Variants in NYNRIN observed in about 807,000 individuals in gnomAD.
NYNRIN encodes the protein NYN domain and retroviral integrase containing.
In NYNRIN, 86 loss-of-function variants were observed where a neutral mutation model predicts 146.6. The ratio of observed to expected loss-of-function variants is 0.59; its 90% CI spans 0.49 to 0.70. The LOEUF is 0.70. Ranked by LOEUF, NYNRIN falls within the 30% of genes least tolerant of loss-of-function variation. NYNRIN has a pLI of 0.00. For synonymous variants in NYNRIN, 1,027 were observed against 1,001.3 expected (o/e 1.03, Z -0.48); for missense variants, 2,191 against 2,377.7 (o/e 0.92, Z 1.63).
Position 24,411,218 on chromosome 14 carries a change from C to T in NYNRIN, c.2545+12C>T. 3.7e-6 allele frequency: 6 copies of T among 1,607,284 alleles called. No homozygotes were observed. Among genetic ancestry groups the T allele is most frequent in the Non-Finnish European group, 5.1e-6 (6 of 1,176,452 alleles). On this transcript the variant is annotated intron_variant, in intron 5 of 8. Transcript: ENST00000382554. This position sits in a 1 kb window ranked among gnomAD's most constrained non-coding sequence, Gnocchi z 4.3. Reference sequence around the variant, plus strand: ...CCGGAGGGTGAGAGGTGAGGTGTCCCCTGCCTGCCCAGCCTCCACAGTGTC... The same window carrying T: ...CCGGAGGGTGAGAGGTGAGGTGTCCTCTGCCTGCCCAGCCTCCACAGTGTC...
rs2139358239 is a variant in NYNRIN at position 24,419,168 on chromosome 14, C to A, written c.*1722C>A. On this transcript the variant is annotated 3_prime_UTR_variant, in exon 9 of 9. Transcript: ENST00000382554. Reference sequence around the variant, plus strand: ...CTCTCTGTAATGGTATGTCCAGCCTCACTCTCCCTCCCTGGTGCTGTATGC... The same window carrying A: ...CTCTCTGTAATGGTATGTCCAGCCTAACTCTCCCTCCCTGGTGCTGTATGC... 6.6e-6 allele frequency: 1 copy of A among 152,446 alleles called. No individual in the cohort carries two copies. The highest frequency in any genetic ancestry group is 3.3e-3 in the Middle Eastern group (1 of 300). 9.4% of individuals were successfully genotyped at this position (152,446 alleles called of 1,614,324 possible).
rs372621872 is a variant in NYNRIN at position 24,409,468 on chromosome 14, C to G, written c.1674C>G (p.Pro558=). 1.9e-5 allele frequency: 30 copies of G among 1,613,850 alleles called. No homozygotes were observed. In the African/African-American group the frequency reaches 3.3e-4, roughly 18 times the overall value. ...MAAAVPKAEN[P]SRTQVPSAAP... is the part of the protein sequence containing the mutation. ...CAGCAGTGCCCAAAGCTGAAAATCC[C>G]TCCAGAACTCAAGTGCCATCTGCAG... Residue 558 remains proline (P), a synonymous_variant, in exon 4 of 9, where the codon CCC becomes CCG. Transcript: ENST00000382554.
At chr14:24,403,911 G>A (rs187652059) in intron 2 of NYNRIN, among the ~76,000 whole-genome samples, 41 of 152,330 alleles carry the variant, frequency 2.7e-4, no homozygotes, top group Admixed American at 1.1e-3. Context: ...AGAAATGTGA[G>A]GGTTGTGCTC....
At chr14:24,406,245 A>ATAAAATAAAT (rs2042875176) in intron 2 of NYNRIN, among the ~76,000 whole-genome samples, 1 of 148,710 alleles carries the variant, frequency 6.7e-6, no homozygotes, top group South Asian at 2.2e-4. Flanking sequence ...ATAAAATAAA[A>ATAAAATAAAT]TAAAATATTG....
At chr14:24,400,860 T>G (rs2042838061) in intron 2 of NYNRIN, among the ~76,000 whole-genome samples, 1 of 151,566 alleles carries the variant, frequency 6.6e-6, no homozygotes, top group Non-Finnish European at 1.5e-5. Context: ...CTTGGCTCAC[T>G]GCAGCCTCCA....
At position 24,409,517 on chromosome 14, in the gene NYNRIN, A is replaced by G. The variant is rs752294572; in HGVS notation, c.1723A>G (p.Met575Val). 5 of 1,613,406 alleles carry G rather than the reference A, an allele frequency of 3.1e-6. No individual in the cohort carries two copies. The highest frequency in any genetic ancestry group is 3.3e-5 in the Admixed American group (2 of 59,924). Residue 575 changes from methionine to valine, a missense_variant, in exon 4 of 9, where the codon ATG becomes GTG. By Grantham distance (21) the Met-to-Val change is conservative (BLOSUM62 1). This residue lies in a region of NYNRIN where 895 missense variants were observed against 941.2 expected (regional missense o/e 0.95). Coordinates refer to ENST00000382554, the MANE Select transcript of NYNRIN (RefSeq NM_025081.3). ...AGCTCCCAAACTGCCTACATCTCGA[A>G]TGATGCTGGCAGTGCACACAGAGCC... ...SAAPKLPTSR[M>V]MLAVHTEPAA...
intron 2 of NYNRIN, among the ~76,000 whole-genome samples, chr14:24,405,842 A>G (rs1313634699): frequency 1.3e-5 from 2 of 152,234 alleles, no homozygotes; most frequent in African/African-American, 2.4e-5. Context: ...TTTAAAAATT[A>G]TCACAGTTCC....
At position 24,416,777 on chromosome 14, in the gene NYNRIN, G is replaced by T; in HGVS notation, c.5028G>T (p.Arg1676Ser). 1 of 1,613,556 alleles carries T rather than the reference G, an allele frequency of 6.2e-7. No individual in the cohort carries two copies. The highest frequency in any genetic ancestry group is 1.1e-5 in the South Asian group (1 of 91,080). ...HVFARWGVPV[R>S]LEAAQGPQFA... Reference sequence around the variant, plus strand: ...TTGCAAGGTGGGGTGTTCCTGTGAGGCTGGAGGCAGCCCAGGGGCCCCAGT... The same window carrying T: ...TTGCAAGGTGGGGTGTTCCTGTGAGTCTGGAGGCAGCCCAGGGGCCCCAGT... Residue 1676 changes from arginine to serine, a missense_variant, in exon 9 of 9, where the codon AGG becomes AGT. By Grantham distance (110) the Arg-to-Ser change is moderately radical. Transcript: ENST00000382554.
In NYNRIN at chr14:24,414,891, C is replaced by A. The variant is rs752141342; in HGVS notation, c.3142C>A (p.Pro1048Thr). 3.7e-6 allele frequency: 6 copies of A among 1,608,608 alleles called. No individual in the cohort carries two copies. Among genetic ancestry groups the A allele is most frequent in the Non-Finnish European group, 5.1e-6 (6 of 1,175,886 alleles). Reference protein sequence around the residue: ...ILRCLSLHDPPDGALDIDLLP... With the variant: ...ILRCLSLHDPTDGALDIDLLP... ...GCGGTGCCTCAGCCTCCATGATCCC[C>A]CTGATGGGGCCCTGGACATCGACCT... The change falls in exon 9 of 9, where the codon CCT becomes ACT. Residue 1048 changes from proline (P) to threonine (T), a missense_variant. This residue lies in a region of NYNRIN where 1,291 missense variants were observed against 1,417.0 expected (regional missense o/e 0.91). Coordinates refer to ENST00000382554, the MANE Select transcript of NYNRIN (RefSeq NM_025081.3).
At chr14:24,399,682 A>C (rs1305239209) in intron 2 of NYNRIN, among the ~76,000 whole-genome samples, 1 of 151,026 alleles carries the variant, frequency 6.6e-6, no homozygotes, top group African/African-American at 2.4e-5. Flanking sequence ...CCTACGTGTC[A>C]CCTCTGTCCC....
At chr14:24,410,939 G>A (rs1322909629) in intron 4 of NYNRIN, 137 bp from the exon 5 acceptor site, 1 of 1,060,754 alleles carries the variant, frequency 9.4e-7, no homozygotes, top group Non-Finnish European at 1.4e-6. Context: ...GGTGCTCACA[G>A]AATGTCTGAG....
At position 24,410,329 on chromosome 14, in the gene NYNRIN, G is replaced by A; in HGVS notation, c.2414+121G>A. The stretch of plus-strand genomic sequence containing the variant: ...CCTATGGGCGACATGGGGAAGAGAT[G>A]GGAGGGAAGTGGTCCATCCATGTTG... On this transcript the variant is annotated intron_variant, in intron 4 of 8. Coordinates refer to ENST00000382554, the MANE Select transcript of NYNRIN (RefSeq NM_025081.3). 5 of 776,182 alleles carry A rather than the reference G, an allele frequency of 6.4e-6. No homozygotes were observed. In the South Asian group the frequency reaches 7.3e-5, roughly 11 times the overall value. The allele number at this position is 776,182 out of a possible 1,614,324, so 48.1% of individuals were successfully genotyped here. A position where few individuals can be genotyped will look rare whatever the true frequency, so the allele number is the denominator to read the frequency against.
At position 24,416,313 on chromosome 14, in the gene NYNRIN, C is replaced by G. The variant is rs200445194; in HGVS notation, c.4564C>G (p.Leu1522Val). ...ACTCAGCCTCGACAAGGAGAGTGGC[C>G]TGCTTATGTTCAAGGGAGATAAGAA... ...NSLSLDKESGLLMFKGDKKPR... is the reference protein window; with the variant it reads ...NSLSLDKESGVLMFKGDKKPR... The change falls in exon 9 of 9, where the codon CTG (leucine) becomes GTG (valine). Residue 1522 changes from leucine to valine, a missense_variant. Around this residue, in one of 3 missense-constraint regions of NYNRIN, gnomAD observed 1,291 missense variants for 1,417.0 expected, o/e 0.91. Transcript: ENST00000382554. 9.7e-5 allele frequency: 157 copies of G among 1,613,862 alleles called. No individual in the cohort carries two copies. The highest frequency in any genetic ancestry group is 3.7e-4 in the Admixed American group (22 of 60,014).
chr14:24,409,736 G>A lies in NYNRIN; in HGVS notation c.1942G>A (p.Gly648Arg), dbSNP rs770811678. The change falls in exon 4 of 9, where the codon GGG (glycine) becomes AGG (arginine). Residue 648 changes from glycine (G) to arginine (R), a missense_variant. Around this residue, in one of 3 missense-constraint regions of NYNRIN, gnomAD observed 895 missense variants for 941.2 expected, o/e 0.95. Coordinates refer to ENST00000382554, the MANE Select transcript of NYNRIN (RefSeq NM_025081.3). ...AGPKTPKAQA[G>R]PAATVSKAPA... ...TCCCAAAACACCCAAAGCTCAAGCC[G>A]GGCCTGCAGCTACAGTTTCCAAAGC... 124 of 1,605,200 alleles carry A rather than the reference G, an allele frequency of 7.7e-5. 3 individuals carry two copies. In the South Asian group the frequency reaches 1.2e-3, roughly 15 times the overall value.
rs1050413835 is a variant in NYNRIN at position 24,417,406 on chromosome 14, A to G, written c.5657A>G (p.Lys1886Arg). 1 of 1,549,322 alleles carries G rather than the reference A, an allele frequency of 6.5e-7. No homozygotes were observed. The highest frequency in any genetic ancestry group is 1.4e-5 in the African/African-American group (1 of 73,194). Residue 1886 changes from lysine (K) to arginine (R), a missense_variant, in exon 9 of 9, where the codon AAG (lysine) becomes AGG (arginine). Transcript: ENST00000382554. ...AGCAGTCTGATGAAGGCCTTTGCCA[A>G]GAGTGGCACCCCGCTGTCCTTCAAG... is the stretch of plus-strand genomic sequence containing the variant. Reference protein sequence around the residue: ...YPSSLMKAFAKSGTPLSFKVL... With the variant: ...YPSSLMKAFARSGTPLSFKVL...
In NYNRIN at chr14:24,419,250, T is replaced by C. The variant is rs916319208; in HGVS notation, c.*1804T>C. The C allele has an allele frequency of 6.6e-6, 1 of 152,240 alleles. No homozygotes were observed. The highest frequency in any genetic ancestry group is 2.4e-5 in the African/African-American group (1 of 41,454). 9.4% of individuals were successfully genotyped at this position (152,240 alleles called of 1,614,324 possible). ...TACCCTTCTTTTAAGTGAATTTTTT[T>C]CATTTGATTTGTCAATAAACGAATC... On this transcript the variant is annotated 3_prime_UTR_variant, in exon 9 of 9. Coordinates refer to ENST00000382554, the MANE Select transcript of NYNRIN (RefSeq NM_025081.3).
intron 2 of NYNRIN, among the ~76,000 whole-genome samples, chr14:24,404,868 C>G (rs1168104611): frequency 1.3e-5 from 2 of 152,130 alleles, no homozygotes; most frequent in South Asian, 4.1e-4. Flanking sequence ...GCCCTCCTCA[C>G]TCCCTCCATG....
chr14:24,399,752 G>A (rs796079798), intron 2 of NYNRIN, among the ~76,000 whole-genome samples: 3 of 152,230 alleles, frequency 2.0e-5, no homozygotes, highest in African/African-American at 7.2e-5. Context: ...CCTGGCCAGG[G>A]CCCCAGCATC....
Position 24,416,995 on chromosome 14 carries a change from G to C in NYNRIN, c.5246G>C (p.Arg1749Thr), listed in dbSNP as rs767647423. 8.2e-6 allele frequency: 13 copies of C among 1,587,564 alleles called. No homozygotes were observed. In the South Asian group the frequency reaches 1.5e-4, roughly 18 times the overall value. ...ASLPLLHLAF[R>T]ASSTDATPFK... ...CTGCCTTTGCTGCACCTGGCCTTCAGGGCCTCCTCCACTGATGCCACACCG... is the reference window on the plus strand; with the variant it reads ...CTGCCTTTGCTGCACCTGGCCTTCACGGCCTCCTCCACTGATGCCACACCG... The change falls in exon 9 of 9, where the codon AGG becomes ACG. Residue 1749 changes from arginine (R) to threonine (T), a missense_variant. Transcript: ENST00000382554.
Sources: allele counts gnomAD v4.1 joint callset (sites outside exome capture counted in the v4.1 genomes callset), GRCh38; gene constraint gnomAD v4.1.1; regional missense constraint gnomAD v4.1.1; non-coding constraint Gnocchi (gnomAD v3.1); transcripts MANE v1.5; gene names NCBI Gene and HGNC (gene_info 2026-07-23, HGNC 2026-07-21).